OVCH2: variants seen among roughly 807,000 people sequenced by gnomAD.
OVCH2 encodes the protein ovochymase 2, also known as ovochymase-2.
Under a neutral mutation model 73.7 loss-of-function variants are expected in OVCH2, and 88 were observed. That is an observed-to-expected ratio of 1.19 (90% CI 1.01 to 1.43). The LOEUF is 1.43. OVCH2 is among the 40% of genes most tolerant of loss of function. OVCH2 has a pLI of 0.00. For missense variants in OVCH2, 706 were observed against 674.5 expected (o/e 1.05, Z -0.52); for synonymous variants, 265 against 234.5 (o/e 1.13, Z -1.19).
Position 7,691,905 on chromosome 11 carries a change from T to C in OVCH2, c.1504A>G (p.Ile502Val). 1 of 1,563,614 alleles carries C rather than the reference T, an allele frequency of 6.4e-7. No homozygotes were observed. The highest frequency in any genetic ancestry group is 8.7e-7 in the Non-Finnish European group (1 of 1,152,516). The change falls in exon 13 of 16, where the codon ATA (isoleucine) becomes GTA (valine). Residue 502 changes from isoleucine (I) to valine (V), a missense_variant. Transcript: ENST00000533663. ...VHSDVERKKE[I>V]ARLCGYDVPT... Reference sequence around the variant, plus strand: ...CTGAGGCTCAGAGGACACAAACCTATTTCCTTCTTCCTTTCTACATCGCTG... The same window carrying C: ...CTGAGGCTCAGAGGACACAAACCTACTTCCTTCTTCCTTTCTACATCGCTG...
At chr11:7,700,057 T>A (rs1856406011) in intron 7 of OVCH2, 3 of 449,916 alleles carry the variant, frequency 6.7e-6, no homozygotes, top group African/African-American at 3.9e-5. Flanking sequence ...AAAGGCCAGT[T>A]TGAGAAGGTC....
intron 3 of OVCH2, among the ~76,000 whole-genome samples, chr11:7,702,704 T>C (rs1231272774): frequency 6.6e-6 from 1 of 152,142 alleles, no homozygotes; most frequent in East Asian, 1.9e-4. Flanking sequence ...TTGGGAATGA[T>C]TTGTGATTCC....
chr11:7,704,749 A>T, intron 1 of OVCH2, 75 bp from the exon 2 acceptor site: 1 of 975,134 alleles, frequency 1.0e-6, no homozygotes, highest in Admixed American at 2.1e-5. Flanking sequence ...CATTTCACCC[A>T]TGAAACTGAG....
rs1311078481 is a variant in OVCH2 at position 7,703,241 on chromosome 11, G to A, written c.290+457C>T. Among the ~76,000 whole-genome samples, 3 of 152,154 alleles carry A rather than the reference G, an allele frequency of 2.0e-5. No homozygotes were observed. The East Asian group carries it at 5.8e-4, about 29-fold the overall frequency. On this transcript the variant is annotated intron_variant, in intron 3 of 15. Transcript: ENST00000533663. ...GATCACACAAGAAAGTGGGTAAAGG[G>A]AAGTTGTTGGGTTGAGTCCCAGAGA... is the stretch of plus-strand genomic sequence containing the variant.
chr11:7,684,588 A>T (rs933141703), downstream of OVCH2, among the ~76,000 whole-genome samples: 1 of 150,838 alleles, frequency 6.6e-6, no homozygotes, highest in African/African-American at 2.4e-5. Flanking sequence ...ATTAGAGCAC[A>T]TTTTTTTCGT....
At chr11:7,692,085 G>T in intron 12 of OVCH2, 90 bp from the exon 13 acceptor site, 7 of 896,704 alleles carry the variant, frequency 7.8e-6, no homozygotes, top group Non-Finnish European at 1.2e-5. Flanking sequence ...TGCTCAACTT[G>T]TTCTGGAGTA....
At chr11:7,684,470 C>CTATATATATATATA (rs755430614), downstream of OVCH2, among the ~76,000 whole-genome samples, 5 of 120,570 alleles carry the variant, frequency 4.1e-5, no homozygotes, top group African/African-American at 1.9e-4. Flanking sequence ...GCCCTCAAAC[C>CTATATATATATATA]TATATATATA....
intron 11 of OVCH2, 38 bp downstream of exon 11, chr11:7,695,532 G>A: frequency 6.4e-7 from 1 of 1,569,752 alleles, no homozygotes; most frequent in Non-Finnish European, 8.7e-7. Context: ...TTCTACAGAA[G>A]GTGGAGATAG....
At chr11:7,699,618 T>G (rs965637749) in intron 7 of OVCH2, 1 of 152,190 alleles carries the variant, frequency 6.6e-6, no homozygotes, top group Non-Finnish European at 1.5e-5. Context: ...CACAGTTGGT[T>G]GAATCTGCTG....
chr11:7,679,424 C>T, the OVCH2 span, among the ~76,000 whole-genome samples: 1 of 152,036 alleles, frequency 6.6e-6, no homozygotes, highest in African/African-American at 2.4e-5. Context: ...AATTATAATC[C>T]CCATGTGTAG....
chr11:7,697,465 TTCAGATGTCATC>T (rs1209133552), intron 8 of OVCH2, among the ~76,000 whole-genome samples: 2 of 152,186 alleles, frequency 1.3e-5, no homozygotes, highest in South Asian at 2.1e-4. Flanking sequence ...CACCCTCCAT[TTCAGATGTCATC>T]TCTACATTTC....
rs1260076484 is a variant in OVCH2 at position 7,696,792 on chromosome 11, G to A, written c.933C>T (p.Cys311=). 6.2e-7 allele frequency: 1 copy of A among 1,607,632 alleles called. No individual in the cohort carries two copies. The highest frequency in any genetic ancestry group is 8.5e-7 in the Non-Finnish European group (1 of 1,177,014). Residue 311 remains cysteine, a synonymous_variant, in exon 9 of 16, where the codon TGC becomes TGT. Coordinates refer to ENST00000533663, the MANE Select transcript of OVCH2 (RefSeq NM_198185.7). The part of the protein sequence containing the change: ...GNRRKSSRAW[C]SEQDVIVSGA... ...CGCTGACTATGACATCCTGCTCACT[G>A]CACCAGGCTGGGAGGGAAAGCCAGG...
At chr11:7,694,078 G>A (rs748955996) in intron 12 of OVCH2, among the ~76,000 whole-genome samples, 1 of 152,070 alleles carries the variant, frequency 6.6e-6, no homozygotes, top group Non-Finnish European at 1.5e-5. Context: ...AAGTGAGAAC[G>A]CTGGTGTCTC....
chr11:7,689,740 C>T (rs1009351316), intron 15 of OVCH2, 138 bp from the exon 16 acceptor site: 17 of 676,896 alleles, frequency 2.5e-5, no homozygotes, highest in South Asian at 1.1e-4. Flanking sequence ...AGGCTAATAA[C>T]CTCATTTTAA....
intron 11 of OVCH2, 61 bp downstream of exon 11, chr11:7,695,509 A>G: frequency 2.0e-6 from 3 of 1,491,296 alleles, no homozygotes; most frequent in Non-Finnish European, 2.8e-6. Context: ...CCTAATTCCT[A>G]TGGGGCCTAA....
chr11:7,693,537 A>G (rs906606832), intron 12 of OVCH2, among the ~76,000 whole-genome samples: 7 of 152,286 alleles, frequency 4.6e-5, no homozygotes, highest in Admixed American at 3.9e-4. Flanking sequence ...ATATTTTTCA[A>G]TCACTTCTGG....
In OVCH2 at chr11:7,691,937, G is replaced by T; in HGVS notation, c.1472C>A (p.Thr491Lys). Reference sequence around the variant, plus strand: ...CTTCCTTTCTACATCGCTGTGCACTGTCACATAGTCGGAAGTGCAGTCTCC... The same window carrying T: ...CTTCCTTTCTACATCGCTGTGCACTTTCACATAGTCGGAAGTGCAGTCTCC... ...ESGDCTSDYV[T>K]VHSDVERKKE... is the part of the protein sequence containing the mutation. The change falls in exon 13 of 16, where the codon ACA (threonine) becomes AAA (lysine). Residue 491 changes from threonine to lysine, a missense_variant. Transcript: ENST00000533663. The T allele has an allele frequency of 6.3e-7, 1 of 1,577,356 alleles. No homozygotes were observed. Among genetic ancestry groups the T allele is most frequent in the Middle Eastern group, 1.7e-4 (1 of 6,022 alleles).
chr11:7,702,119 A>G, intron 4 of OVCH2, 38 bp downstream of exon 4: 5 of 1,529,332 alleles, frequency 3.3e-6, no homozygotes, highest in Non-Finnish European at 4.5e-6. Context: ...TATAGAGAAC[A>G]TGGGGTAGAC....
intron 15 of OVCH2, 22 bp downstream of exon 15, chr11:7,689,902 A>G (rs71474932): frequency 1.9e-5 from 25 of 1,343,066 alleles, no homozygotes; most frequent in Middle Eastern, 3.5e-4. Context: ...GTGTGTATCA[A>G]TTGGTCCCCA....
Sources: gnomAD v4.1 joint callset for allele counts (sites outside exome capture counted in the v4.1 genomes callset) on GRCh38, gnomAD v4.1.1 for gene constraint, MANE v1.5 for transcripts, NCBI Gene and HGNC (gene_info 2026-07-23, HGNC 2026-07-21) for gene names.